The following TMEM63C variants were observed in gnomAD, a reference collection of about 807,000 sequenced individuals.
TMEM63C encodes the protein osmosensitive cation channel TMEM63C.
Under a neutral mutation model 99.2 loss-of-function variants are expected in TMEM63C, and 32 were observed. That is an observed-to-expected ratio of 0.32 (90% CI 0.24 to 0.43). The LOEUF (loss-of-function observed/expected upper bound fraction) is 0.43. Ranked by LOEUF, TMEM63C falls within the 20% of genes least tolerant of loss-of-function variation. The probability of loss-of-function intolerance (pLI) is 1.00; values close to 1 mark genes in which losing one functional copy is unlikely to be tolerated. For synonymous variants in TMEM63C, 376 were observed against 397.9 expected (o/e 0.94, Z 0.66); for missense variants, 826 against 1,053.0 (o/e 0.78, Z 2.98).
At chr14:77,249,549 C>T in intron 21 of TMEM63C, 91 bp downstream of exon 21, 2 of 1,443,232 alleles carry the variant, frequency 1.4e-6, no homozygotes, top group Non-Finnish European at 9.4e-7. Flanking sequence ...GGAGAAAAGC[C>T]CAGGCAGGGC....
At position 77,240,504 on chromosome 14, in the gene TMEM63C, A is replaced by G. The variant is rs1402634906; in HGVS notation, c.960A>G (p.Leu320=). Residue 320 remains leucine, a synonymous_variant, in exon 13 of 24, where the codon CTA becomes CTG. Coordinates refer to ENST00000298351, the MANE Select transcript of TMEM63C (RefSeq NM_020431.4). ...EVDAEQYYSE[L]EEQLTDEFNA... ...ATGCAGAGCAGTATTACAGCGAGCT[A>G]GAGGAGCAGCTAACGGACGAGTTCA... 6.2e-7 allele frequency: 1 copy of G among 1,611,378 alleles called. No homozygotes were observed. Among genetic ancestry groups the G allele is most frequent in the African/African-American group, 1.3e-5 (1 of 74,936 alleles).
intron 2 of TMEM63C, among the ~76,000 whole-genome samples, chr14:77,215,820 C>T (rs965925292): frequency 2.6e-5 from 4 of 152,026 alleles, no homozygotes; most frequent in Admixed American, 6.6e-5. Context: ...TCCAGCAGTT[C>T]CCCCCTCCTC....
intron 1 of TMEM63C, among the ~76,000 whole-genome samples, chr14:77,188,492 G>A: frequency 6.6e-6 from 1 of 152,154 alleles, no homozygotes; most frequent in Non-Finnish European, 1.5e-5. Context: ...TCACATCTAG[G>A]TATACATTAC....
chr14:77,238,863 G>C (rs1889107470), intron 10 of TMEM63C, 96 bp downstream of exon 10: 3 of 980,034 alleles, frequency 3.1e-6, no homozygotes, highest in Non-Finnish European at 4.8e-6. Context: ...AGGATGGTGG[G>C]ACTGGGACAC....
At chr14:77,201,613 C>A (rs1888301169) in intron 1 of TMEM63C, among the ~76,000 whole-genome samples, 1 of 152,194 alleles carries the variant, frequency 6.6e-6, no homozygotes, top group Non-Finnish European at 1.5e-5. Flanking sequence ...TCAGGCGCTA[C>A]CCAAGACCTG....
intron 9 of TMEM63C, among the ~76,000 whole-genome samples, chr14:77,237,350 G>A (rs1018078597): frequency 5.9e-5 from 9 of 152,132 alleles, no homozygotes; most frequent in South Asian, 2.1e-4. Flanking sequence ...TATCCCCACC[G>A]TCTCAGTTTG....
At chr14:77,253,453 A>T (rs1889407184) in intron 23 of TMEM63C, 77 bp downstream of exon 23, 15 of 1,426,348 alleles carry the variant, frequency 1.1e-5, no homozygotes, top group Admixed American at 9.8e-5. Context: ...ATTGTGGGGG[A>T]TGCCAGCTTT....
rs780871649 is a variant in TMEM63C at position 77,242,460 on chromosome 14, A to C, written c.1178A>C (p.Asp393Ala). 2 of 1,613,810 alleles carry C rather than the reference A, an allele frequency of 1.2e-6. No homozygotes were observed. Among genetic ancestry groups the C allele is most frequent in the Non-Finnish European group, 1.7e-6 (2 of 1,179,814 alleles). Residue 393 changes from aspartate to alanine, a missense_variant, in exon 14 of 24, where the codon GAC becomes GCC. Transcript: ENST00000298351. ...GTCACTATGGCCCCACACCCCAAAGACATTATTTGGTAAGCCTCCTCCATC... is the reference window on the plus strand; with the variant it reads ...GTCACTATGGCCCCACACCCCAAAGCCATTATTTGGTAAGCCTCCTCCATC... ...WRVTMAPHPKDIIWKHLSVRR... is the reference protein window; with the variant it reads ...WRVTMAPHPKAIIWKHLSVRR...
chr14:77,251,386 G>A (rs913635456), intron 21 of TMEM63C, among the ~76,000 whole-genome samples: 1 of 152,160 alleles, frequency 6.6e-6, no homozygotes, highest in South Asian at 2.1e-4. Flanking sequence ...CTGTGCCATC[G>A]GTGCAGATAA....
At chr14:77,253,832 G>T (rs1422708641) in intron 23 of TMEM63C, among the ~76,000 whole-genome samples, 2 of 152,228 alleles carry the variant, frequency 1.3e-5, no homozygotes, top group Admixed American at 6.5e-5. Flanking sequence ...GCCTGTCTGC[G>T]TGCAGAGAGG....
Position 77,248,816 on chromosome 14 carries a change from A to G in TMEM63C, c.1814A>G (p.Asn605Ser), listed in dbSNP as rs1410867291. 2 of 1,613,906 alleles carry G rather than the reference A, an allele frequency of 1.2e-6. No homozygotes were observed. Among genetic ancestry groups the G allele is most frequent in the East Asian group, 4.5e-5 (2 of 44,900 alleles). The change falls in exon 20 of 24, where the codon AAC becomes AGC. Residue 605 changes from asparagine to serine, a missense_variant. Transcript: ENST00000298351. The stretch of plus-strand genomic sequence containing the variant: ...GGGCGTGAGTATGCGTGGATGATGA[A>G]CGTGTTCAGCGTGGTGATGGCGTAC... ...QFGREYAWMM[N>S]VFSVVMAYSI...
At chr14:77,250,445 T>C (rs1889340595) in intron 21 of TMEM63C, among the ~76,000 whole-genome samples, 1 of 150,308 alleles carries the variant, frequency 6.7e-6, no homozygotes. Context: ...TTTTTTTTTT[T>C]CTTTTGTTTT....
chr14:77,222,693 C>A (rs2140112389), intron 5 of TMEM63C, among the ~76,000 whole-genome samples: 1 of 152,338 alleles, frequency 6.6e-6, no homozygotes, highest in Middle Eastern at 3.4e-3. Flanking sequence ...TTCCCAGGCT[C>A]TTCCCTCTCC....
At chr14:77,248,681 C>G (rs2140130946) in intron 19 of TMEM63C, 86 bp from the exon 20 acceptor site, 2 of 1,498,856 alleles carry the variant, frequency 1.3e-6, no homozygotes, top group East Asian at 2.3e-5. Flanking sequence ...CAGGCCTGAG[C>G]TGCCAGGAGG....
intron 1 of TMEM63C, among the ~76,000 whole-genome samples, chr14:77,193,423 C>T (rs917039407): frequency 3.9e-5 from 6 of 152,098 alleles, no homozygotes; most frequent in East Asian, 1.9e-4. Context: ...AGGCTGGGCA[C>T]GGTGGCTCAT....
Position 77,256,506 on chromosome 14 carries a change from C to G in TMEM63C, c.2221-20C>G, listed in dbSNP as rs776446140. 1.9e-6 allele frequency: 3 copies of G among 1,613,472 alleles called. No homozygotes were observed. The Admixed American group carries it at 5.0e-5, about 27-fold the overall frequency. On this transcript the variant is annotated intron_variant, in intron 23 of 23. Coordinates refer to ENST00000298351, the MANE Select transcript of TMEM63C (RefSeq NM_020431.4). Reference sequence around the variant, plus strand: ...CCCCAACGTGACCTTGCTCCTGTCCCCTGTCTCTATCCCAAGCAGCTGTAT... The same window carrying G: ...CCCCAACGTGACCTTGCTCCTGTCCGCTGTCTCTATCCCAAGCAGCTGTAT...
Position 77,233,562 on chromosome 14 carries a change from C to CT in TMEM63C, c.542+63dup. 5 of 1,563,298 alleles carry CT rather than the reference C, an allele frequency of 3.2e-6. No homozygotes were observed. The South Asian group carries it at 5.7e-5, about 18-fold the overall frequency. On this transcript the variant is annotated intron_variant, in intron 8 of 23. Transcript: ENST00000298351. ...GGGGGTGTTGGTGTGGAGAGGAGGT[C>CT]TAACATGTCAGTTTGCAACATGGGC...
In TMEM63C at chr14:77,240,498, C is replaced by A; in HGVS notation, c.954C>A (p.Ser318Arg). Residue 318 changes from serine (S) to arginine (R), a missense_variant, in exon 13 of 24, where the codon AGC (serine) becomes AGA (arginine). Ser to Arg is a moderately radical substitution (Grantham distance 110, BLOSUM62 -1). Transcript: ENST00000298351. The stretch of plus-strand genomic sequence containing the variant: ...AGGTGGATGCAGAGCAGTATTACAG[C>A]GAGCTAGAGGAGCAGCTAACGGACG... ...FKEVDAEQYY[S>R]ELEEQLTDEF... 6.2e-7 allele frequency: 1 copy of A among 1,610,968 alleles called. No homozygotes were observed.
chr14:77,249,373 G>T lies in TMEM63C; in HGVS notation c.1953G>T (p.Gln651His), dbSNP rs948918590. The change falls in exon 21 of 24, where the codon CAG becomes CAT. Residue 651 changes from glutamine to histidine, a missense_variant. By Grantham distance (24) the Gln-to-His change is conservative. Coordinates refer to ENST00000298351, the MANE Select transcript of TMEM63C (RefSeq NM_020431.4). ...YSFAPTKLNE[Q>H]IHMAAVSQAI... ...TTGCACCCACCAAACTGAACGAGCAGATCCACATGGCTGCCGTCTCCCAGG... is the reference window on the plus strand; with the variant it reads ...TTGCACCCACCAAACTGAACGAGCATATCCACATGGCTGCCGTCTCCCAGG... 1.2e-6 allele frequency: 2 copies of T among 1,613,900 alleles called. No individual in the cohort carries two copies. The highest frequency in any genetic ancestry group is 2.7e-5 in the African/African-American group (2 of 74,916).
Sources: gnomAD v4.1 joint callset for allele counts (sites outside exome capture counted in the v4.1 genomes callset) on GRCh38, gnomAD v4.1.1 for gene constraint, MANE v1.5 for transcripts, NCBI Gene and HGNC (gene_info 2026-07-23, HGNC 2026-07-21) for gene names.